WNT7A: variants seen among roughly 807,000 people sequenced by gnomAD.
The protein encoded by WNT7A is protein Wnt-7a.
A neutral mutation model predicts 28.2 loss-of-function variants in WNT7A; 16 were observed. That is an observed-to-expected ratio of 0.57 (90% CI 0.38 to 0.86). WNT7A has a LOEUF of 0.86. WNT7A is among the 40% of genes least tolerant of loss of function. The pLI is 0.00. For synonymous variants in WNT7A, 190 were observed against 195.9 expected, an observed-to-expected ratio of 0.97 and a Z score of 0.25; for missense variants, 411 against 489.7, an observed-to-expected ratio of 0.84 and a Z score of 1.52.
intron 2 of WNT7A, among the ~76,000 whole-genome samples, chr3:13,855,422 C>G (rs1329467688): frequency 6.6e-6 from 1 of 152,148 alleles, no homozygotes; most frequent in African/African-American, 2.4e-5. Flanking sequence ...TTCATGGAAC[C>G]TGACTGCACC....
chr3:13,844,662 C>T (rs1694511006), intron 3 of WNT7A, among the ~76,000 whole-genome samples: 1 of 152,180 alleles, frequency 6.6e-6, no homozygotes, highest in South Asian at 2.1e-4. Context: ...CTGTGAGCAG[C>T]CTTGACAGTG....
intron 3 of WNT7A, among the ~76,000 whole-genome samples, chr3:13,834,498 C>T (rs1372595081): frequency 2.6e-5 from 4 of 152,042 alleles, no homozygotes; most frequent in Non-Finnish European, 5.9e-5. Context: ...CCTCTGTCCT[C>T]CAGGCATCCC....
At chr3:13,857,494 G>A (rs1479160013) in intron 2 of WNT7A, among the ~76,000 whole-genome samples, 4 of 152,172 alleles carry the variant, frequency 2.6e-5, no homozygotes, top group African/African-American at 9.7e-5. Flanking sequence ...AGGTGGGCAG[G>A]TGGGGTTGGA....
intron 3 of WNT7A, among the ~76,000 whole-genome samples, chr3:13,837,241 T>C (rs1384696980): frequency 4.6e-5 from 7 of 152,104 alleles, no homozygotes; most frequent in Non-Finnish European, 4.4e-5. Context: ...GCCCCAGGAC[T>C]CCACAGCAGC....
At chr3:13,834,381 G>A (rs989891608) in intron 3 of WNT7A, among the ~76,000 whole-genome samples, 3 of 152,094 alleles carry the variant, frequency 2.0e-5, no homozygotes, top group African/African-American at 7.2e-5. Context: ...TGATGCTGGG[G>A]GTCGGGTGCA....
intron 2 of WNT7A, among the ~76,000 whole-genome samples, chr3:13,869,578 G>A (rs1328188273): frequency 6.9e-6 from 1 of 145,202 alleles, no homozygotes; most frequent in African/African-American, 2.5e-5. Context: ...TGAAGAGAGA[G>A]AGAGAAAGGA....
chr3:13,863,404 G>T (rs574239629), intron 2 of WNT7A, among the ~76,000 whole-genome samples: 2 of 10,410 alleles, frequency 1.9e-4, no homozygotes, highest in Admixed American at 2.5e-3. Context: ...GCAAGTGTGT[G>T]TGTGTGTATG....
Position 13,854,524 on chromosome 3 carries a change from C to T in WNT7A, c.570+8G>A, listed in dbSNP as rs1209571008. 1.9e-6 allele frequency: 3 copies of T among 1,614,094 alleles called. No individual in the cohort carries two copies. The highest frequency in any genetic ancestry group is 2.5e-6 in the Non-Finnish European group (3 of 1,180,054). On this transcript the variant is annotated splice_region_variant and intron_variant, in intron 3 of 3. Coordinates refer to ENST00000285018, the MANE Select transcript of WNT7A (RefSeq NM_004625.4). The stretch of plus-strand genomic sequence containing the variant: ...AGCGCCGCCCAGCTGCCCTCCCTGG[C>T]TTCCTACCTTTCGGCCTGCCTCGTT...
chr3:13,850,333 T>C (rs1440331558), intron 3 of WNT7A, among the ~76,000 whole-genome samples: 2 of 152,194 alleles, frequency 1.3e-5, no homozygotes, highest in Non-Finnish European at 2.9e-5. Flanking sequence ...GCAGGCCTTA[T>C]CTGGGCTCCG....
At chr3:13,825,879 C>T (rs1240084050) in intron 3 of WNT7A, among the ~76,000 whole-genome samples, 1 of 152,230 alleles carries the variant, frequency 6.6e-6, no homozygotes, top group Non-Finnish European at 1.5e-5. Flanking sequence ...TTATACAGAT[C>T]CCCAATAAAT....
rs886633227 is a variant in WNT7A, at chr3:13,879,827, G to T, written c.-11C>A. The T allele has an allele frequency of 1.2e-6, 2 of 1,607,494 alleles. No homozygotes were observed. Among genetic ancestry groups the T allele is most frequent in the African/African-American group, 2.7e-5 (2 of 74,746 alleles). Reference sequence around the variant, plus strand: ...CGCTTTCCGGTTCATAGTCCCGATTGGCCGCCGGGGCCGCGGGCCGGGCTG... The same window carrying T: ...CGCTTTCCGGTTCATAGTCCCGATTTGCCGCCGGGGCCGCGGGCCGGGCTG... On this transcript the variant is annotated 5_prime_UTR_variant, in exon 1 of 4. Coordinates refer to ENST00000285018, the MANE Select transcript of WNT7A (RefSeq NM_004625.4).
chr3:13,864,475 C>T (rs1441705268), intron 2 of WNT7A, among the ~76,000 whole-genome samples: 1 of 152,148 alleles, frequency 6.6e-6, no homozygotes, highest in Non-Finnish European at 1.5e-5. Context: ...ACGGCCCCTA[C>T]TTCAGGTGAC....
At chr3:13,823,932 A>G (rs1694148594) in intron 3 of WNT7A, among the ~76,000 whole-genome samples, 1 of 152,116 alleles carries the variant, frequency 6.6e-6, no homozygotes, top group South Asian at 2.1e-4. Context: ...AGTCCTCTCT[A>G]TACAGCCCCC....
chr3:13,871,966 C>G (rs1435239509), intron 2 of WNT7A, among the ~76,000 whole-genome samples: 1 of 152,112 alleles, frequency 6.6e-6, no homozygotes, highest in African/African-American at 2.4e-5. Flanking sequence ...CCAGCCACCC[C>G]AGCCCCTCGC....
chr3:13,853,233 T>G (rs556952405), intron 3 of WNT7A, among the ~76,000 whole-genome samples: 4 of 152,218 alleles, frequency 2.6e-5, no homozygotes, highest in Admixed American at 2.0e-4. Flanking sequence ...TCGGTATGCT[T>G]AAAGTCTAGA....
intron 3 of WNT7A, among the ~76,000 whole-genome samples, chr3:13,844,494 C>T (rs536497278): frequency 2.6e-5 from 4 of 152,168 alleles, no homozygotes; most frequent in African/African-American, 9.7e-5. Flanking sequence ...TGTCCAGGAG[C>T]CTGGGATGCT....
intron 3 of WNT7A, among the ~76,000 whole-genome samples, chr3:13,824,773 A>G (rs959257662): frequency 4.6e-5 from 7 of 152,154 alleles, no homozygotes; most frequent in Non-Finnish European, 8.8e-5. Context: ...ATGGCCCAAC[A>G]ATTCCACTAC....
Position 13,822,548 on chromosome 3 carries a change from G to A in WNT7A, c.571-3125C>T, listed in dbSNP as rs146670781. 1.1e-4 allele frequency among the ~76,000 whole-genome samples: 16 copies of A among 152,350 alleles called. 1 individual carries two copies. The East Asian group carries it at 3.1e-3, about 29-fold the overall frequency. On this transcript the variant is annotated intron_variant, in intron 3 of 3. Coordinates refer to ENST00000285018, the MANE Select transcript of WNT7A (RefSeq NM_004625.4). ...CATAATGACACATGGGAGATTAATG[G>A]TTGCAGAGAAGAAGGGAAATGGGGA...
intron 3 of WNT7A, among the ~76,000 whole-genome samples, chr3:13,851,568 C>T (rs535118130): frequency 9.0e-4 from 137 of 152,322 alleles, no homozygotes; most frequent in African/African-American, 3.0e-3. Flanking sequence ...TTCTGTATCA[C>T]GTTTCTCCTA....
Sources: gnomAD v4.1 joint callset for allele counts (sites outside exome capture counted in the v4.1 genomes callset) on GRCh38, gnomAD v4.1.1 for gene constraint, MANE v1.5 for transcripts, NCBI Gene and HGNC (gene_info 2026-07-23, HGNC 2026-07-21) for gene names.